Variants in IGFN1 observed in about 807,000 individuals in gnomAD.
IGFN1 encodes the protein immunoglobulin-like and fibronectin type III domain-containing protein 1.
In IGFN1, 253 loss-of-function variants were observed where a neutral mutation model predicts 289.5. The ratio of observed to expected loss-of-function variants is 0.87; its 90% CI spans 0.79 to 0.97. IGFN1 has a LOEUF of 0.97. Among genes scored for constraint, IGFN1 ranks in the 50% least tolerant of loss-of-function variants. The probability of loss-of-function intolerance (pLI) is 0.00; values close to 1 mark genes in which losing one functional copy is unlikely to be tolerated. For synonymous variants in IGFN1, 1,706 were observed against 1,788.5 expected, an observed-to-expected ratio of 0.95 and a Z score of 1.16; for missense variants, 4,470 against 4,686.1, an observed-to-expected ratio of 0.95 and a Z score of 1.35.
chr1:201,225,762 G>A (rs1307375605), intron 21 of IGFN1, 62 bp from the exon 22 acceptor site: 4 of 1,462,622 alleles, frequency 2.7e-6, no homozygotes, highest in African/African-American at 1.4e-5. Flanking sequence ...GACCTGGAGG[G>A]GGCTGGTAGC....
chr1:201,214,028 C>T, intron 12 of IGFN1, 149 bp from the exon 13 acceptor site: 1 of 761,804 alleles, frequency 1.3e-6, no homozygotes, highest in Non-Finnish European at 2.0e-6. Flanking sequence ...AAGACCAGGG[C>T]ATTGGAGCCA....
chr1:201,216,045 G>T lies in IGFN1; in HGVS notation c.9295+207G>T, dbSNP rs372188140. On this transcript the variant is annotated intron_variant, in intron 15 of 23. Coordinates refer to ENST00000335211, the MANE Select transcript of IGFN1 (RefSeq NM_001164586.2). ...GAACACAGTGCTGGGCTCCTGCTGG[G>T]GGGGAGGAGCCGGTTATGCTTCTCT... 3,252 of 726,872 alleles carry T rather than the reference G, an allele frequency of 4.5e-3. 94 individuals carry two copies. Among genetic ancestry groups the T allele is most frequent in the South Asian group, 0.04 (2,679 of 67,016 alleles). The allele number at this position is 726,872 out of a possible 1,614,324, so 45.0% of individuals were successfully genotyped here. A position where few individuals can be genotyped will look rare whatever the true frequency, so the allele number is the denominator to read the frequency against.
At position 201,203,758 on chromosome 1, in the gene IGFN1, T is replaced by C; in HGVS notation, c.768T>C (p.Tyr256=). ...YLYKDGEMIP[Y]GFNNQTKHCL... is the part of the protein sequence containing the mutation. ...CTTAGGATGGTGAGATGATCCCCTA[T>C]GGCTTCAACAACCAAACCAAGCACT... The change falls in exon 10 of 24, where the codon TAT becomes TAC. Residue 256 remains tyrosine, a synonymous_variant. Transcript: ENST00000335211. 2 of 1,551,820 alleles carry C rather than the reference T, an allele frequency of 1.3e-6. No individual in the cohort carries two copies. The highest frequency in any genetic ancestry group is 1.7e-6 in the Non-Finnish European group (2 of 1,147,038).
At chr1:201,220,978 G>A (rs1014055252) in intron 18 of IGFN1, among the ~76,000 whole-genome samples, 2 of 152,108 alleles carry the variant, frequency 1.3e-5, no homozygotes, top group Admixed American at 1.3e-4. Flanking sequence ...GGTAGGTGGG[G>A]CTATTATTAT....
chr1:201,203,691 A>G (rs1667259711), intron 9 of IGFN1, 47 bp from the exon 10 acceptor site: 7 of 1,531,952 alleles, frequency 4.6e-6, no homozygotes, highest in Non-Finnish European at 6.2e-6. Context: ...GGCAGGAAGC[A>G]CTGAGGACCC....
chr1:201,214,089 T>A, intron 12 of IGFN1, 88 bp from the exon 13 acceptor site: 1 of 1,371,362 alleles, frequency 7.3e-7, no homozygotes, highest in Non-Finnish European at 9.7e-7. Flanking sequence ...CCAAGCCCAG[T>A]TGGCAGGACC....
Position 201,206,937 on chromosome 1 carries a change from A to G in IGFN1, c.2044A>G (p.Arg682Gly), listed in dbSNP as rs1392015283. The change falls in exon 12 of 24, where the codon AGA (arginine) becomes GGA (glycine). Residue 682 changes from arginine to glycine, a missense_variant. Transcript: ENST00000335211. ...TGGCACCCTGGAGCTTACTGGAGGA[A>G]GAGGTTCTGGCTCCAAGGTGGGCAT... is the stretch of plus-strand genomic sequence containing the variant. Reference protein sequence around the residue: ...GPGTLELTGGRGSGSKVGMAP... With the variant: ...GPGTLELTGGGGSGSKVGMAP... 3 of 1,536,384 alleles carry G rather than the reference A, an allele frequency of 2.0e-6. No homozygotes were observed. In the East Asian group the frequency reaches 7.3e-5, roughly 38 times the overall value.
intron 9 of IGFN1, among the ~76,000 whole-genome samples, chr1:201,203,534 A>T (rs551893355): frequency 6.6e-6 from 1 of 152,294 alleles, no homozygotes; most frequent in African/African-American, 2.4e-5. Flanking sequence ...TAGAGCATGG[A>T]TTCCCATCCA....
At chr1:201,199,675 G>T (rs45555632) in intron 7 of IGFN1, 21 bp downstream of exon 7, 78,063 of 1,549,412 alleles carry the variant, frequency 0.05, 2,912 homozygotes, top group African/African-American at 0.19. Context: ...GCCTGTCCAT[G>T]AGGGATTTTG....
At position 201,224,724 on chromosome 1, in the gene IGFN1, T is replaced by C. The variant is rs34849739; in HGVS notation, c.10336T>C (p.Leu3446=). The C allele has an allele frequency of 7.6e-3, 12,216 of 1,614,186 alleles. 737 individuals carry two copies. In the African/African-American group the frequency reaches 0.14, roughly 18 times the overall value. ...EVTWLKDGLP[L]PKRSVTVTKD... The stretch of plus-strand genomic sequence containing the variant: ...GACCTGGCTGAAGGATGGCTTGCCC[T>C]TGCCCAAAAGAAGTGTGACTGTCAC... Residue 3446 remains leucine, a synonymous_variant, in exon 21 of 24, where the codon TTG becomes CTG. Coordinates refer to ENST00000335211, the MANE Select transcript of IGFN1 (RefSeq NM_001164586.2).
intron 1 of IGFN1, among the ~76,000 whole-genome samples, chr1:201,191,569 A>G (rs1453001930): frequency 6.6e-6 from 1 of 152,148 alleles, no homozygotes; most frequent in African/African-American, 2.4e-5. Flanking sequence ...GAGAGAATTC[A>G]TTTCCTTTCT....
Position 201,207,991 on chromosome 1 carries a change from C to A in IGFN1, c.3098C>A (p.Ser1033Tyr). 1.3e-6 allele frequency: 2 copies of A among 1,536,854 alleles called. No homozygotes were observed. Among genetic ancestry groups the A allele is most frequent in the Non-Finnish European group, 1.7e-6 (2 of 1,146,818 alleles). The part of the protein sequence containing the change: ...NEDSGPAGGG[S>Y]GRVASLKNGS... Reference sequence around the variant, plus strand: ...GATTCTGGCCCTGCAGGAGGAGGGTCTGGGAGAGTTGCCAGTCTTAAAAAT... The same window carrying A: ...GATTCTGGCCCTGCAGGAGGAGGGTATGGGAGAGTTGCCAGTCTTAAAAAT... The change falls in exon 12 of 24, where the codon TCT (serine) becomes TAT (tyrosine). Residue 1033 changes from serine (S) to tyrosine (Y), a missense_variant. By Grantham distance (144) the Ser-to-Tyr change is moderately radical. This residue lies in a region of IGFN1 where 2,011 missense variants were observed against 1,953.4 expected (regional missense o/e 1.03). Transcript: ENST00000335211.
At chr1:201,227,563 G>A (rs1028570994) in intron 23 of IGFN1, among the ~76,000 whole-genome samples, 6 of 151,848 alleles carry the variant, frequency 4.0e-5, no homozygotes, top group African/African-American at 1.2e-4. Flanking sequence ...GAATAGCTGG[G>A]ATTACAGGCA....
In IGFN1 at chr1:201,207,613, A is replaced by G. The variant is rs1025755138; in HGVS notation, c.2720A>G (p.Asp907Gly). 2 of 1,536,978 alleles carry G rather than the reference A, an allele frequency of 1.3e-6. No homozygotes were observed. Among genetic ancestry groups the G allele is most frequent in the Admixed American group, 2.0e-5 (1 of 50,994 alleles). Residue 907 changes from aspartate to glycine, a missense_variant, in exon 12 of 24, where the codon GAT becomes GGT. Coordinates refer to ENST00000335211, the MANE Select transcript of IGFN1 (RefSeq NM_001164586.2). Reference protein sequence around the residue: ...GAQGSGGTLGDKKGLRGPGSI... With the variant: ...GAQGSGGTLGGKKGLRGPGSI... ...CAGGGATCTGGGGGGACACTAGGAG[A>G]TAAGAAAGGATTAAGAGGTCCTGGG...
chr1:201,215,449 C>A, intron 14 of IGFN1, 90 bp from the exon 15 acceptor site: 1 of 1,205,468 alleles, frequency 8.3e-7, no homozygotes, highest in Admixed American at 2.4e-5. Flanking sequence ...CCTTACTCTT[C>A]CCCCAAACTT....
At chr1:201,216,813 G>A in intron 16 of IGFN1, 60 bp downstream of exon 16, 3 of 1,432,386 alleles carry the variant, frequency 2.1e-6, no homozygotes, top group Non-Finnish European at 2.9e-6. Context: ...ACTGTGCCGA[G>A]GAGGGCAGGC....
At position 201,197,332 on chromosome 1, in the gene IGFN1, G is replaced by C. The variant is rs1400337735; in HGVS notation, c.367+15G>C. On this transcript the variant is annotated intron_variant, in intron 5 of 23. Coordinates refer to ENST00000335211, the MANE Select transcript of IGFN1 (RefSeq NM_001164586.2). ...TGTCATCGAAGGTGGGCTTTTCCCT[G>C]AGTTTGTCTCATCAGTGCACAGGGC... is the stretch of plus-strand genomic sequence containing the variant. 9 of 1,507,332 alleles carry C rather than the reference G, an allele frequency of 6.0e-6. No individual in the cohort carries two copies. The highest frequency in any genetic ancestry group is 8.1e-6 in the Non-Finnish European group (9 of 1,108,380). 93.4% of individuals were successfully genotyped at this position (1,507,332 alleles called of 1,614,324 possible). A position where few individuals can be genotyped will look rare whatever the true frequency, so the allele number is the denominator to read the frequency against.
chr1:201,191,529 T>A (rs1666658553), intron 1 of IGFN1, among the ~76,000 whole-genome samples: 1 of 152,170 alleles, frequency 6.6e-6, no homozygotes, highest in Non-Finnish European at 1.5e-5. Flanking sequence ...GAACTGGAGT[T>A]CTTCTCAAAT....
intron 18 of IGFN1, among the ~76,000 whole-genome samples, chr1:201,220,324 G>A (rs145536683): frequency 2.0e-5 from 3 of 152,192 alleles, no homozygotes; most frequent in East Asian, 3.9e-4. Context: ...CTGGAACTAT[G>A]AGCATGTGCC....
Sources: allele counts gnomAD v4.1 joint callset (sites outside exome capture counted in the v4.1 genomes callset), GRCh38; gene constraint gnomAD v4.1.1; regional missense constraint gnomAD v4.1.1; transcripts MANE v1.5; gene names NCBI Gene and HGNC (gene_info 2026-07-23, HGNC 2026-07-21).